FRMPD4: variants seen among roughly 807,000 people sequenced by gnomAD.
FRMPD4 encodes FERM and PDZ domain containing 4, also known as FERM and PDZ domain-containing protein 4.
FRMPD4 carries 22 observed loss-of-function variants against 94.1 expected under a neutral mutation model. That is an observed-to-expected ratio of 0.23 (90% CI 0.17 to 0.33). The LOEUF (loss-of-function observed/expected upper bound fraction) is 0.33, where lower values mean the gene tolerates loss of function less well. FRMPD4 is among the 10% of genes least tolerant of loss of function. The pLI is 1.00. For missense variants in FRMPD4, 1,111 were observed against 1,339.9 expected (o/e 0.83, Z 2.67); for synonymous variants, 631 against 548.6 (o/e 1.15, Z -2.10).
chrX:12,327,200 T>C (rs1460553998), intron 1 of FRMPD4, among the ~76,000 whole-genome samples: 1 of 112,438 alleles, frequency 8.9e-6, no homozygotes, highest in Non-Finnish European at 1.9e-5. Flanking sequence ...ATGTATTGTC[T>C]GTCTGGCATT....
chrX:12,511,864 C>CA (rs1273027337), intron 2 of FRMPD4, among the ~76,000 whole-genome samples: 15 of 112,429 alleles, frequency 1.3e-4, no homozygotes, highest in South Asian at 7.4e-4. Flanking sequence ...TGTCAAAAGT[C>CA]AAAGACAAAG....
intron 1 of FRMPD4, among the ~76,000 whole-genome samples, chrX:12,333,995 A>G (rs1325114161): frequency 1.8e-5 from 2 of 111,879 alleles, no homozygotes; most frequent in African/African-American, 6.5e-5. Context: ...TGTAAGGTGC[A>G]ATGAAAATCT....
At chrX:12,011,505 G>A (rs184171264) in intron 3 of FRMPD4, among the ~76,000 whole-genome samples, 1 of 112,099 alleles carries the variant, frequency 8.9e-6, no homozygotes, top group East Asian at 2.8e-4. Flanking sequence ...GCAGATAATA[G>A]AAGATTTTTC....
At chrX:11,899,377 T>G (rs2053921267) in intron 3 of FRMPD4, among the ~76,000 whole-genome samples, 1 of 82,870 alleles carries the variant, frequency 1.2e-5, no homozygotes, top group Non-Finnish European at 2.3e-5. Context: ...TCACGAGTGA[T>G]GTTGACTTTT....
chrX:12,634,824 C>CTTTTTTTTT (rs780126204), intron 4 of FRMPD4, among the ~76,000 whole-genome samples: 1 of 52,222 alleles, frequency 1.9e-5, no homozygotes, highest in South Asian at 1.0e-3. Flanking sequence ...GTCCATCTCT[C>CTTTTTTTTT]TTTTTTTTTT....
At chrX:11,871,757 C>T (rs1425153121) in intron 2 of FRMPD4, among the ~76,000 whole-genome samples, 1 of 111,510 alleles carries the variant, frequency 9.0e-6, no homozygotes, top group Non-Finnish European at 1.9e-5. Flanking sequence ...GCACAGTGTC[C>T]AGGGATGAAG....
rs1340532374 is a variant in FRMPD4 at position 12,191,895 on chromosome X, C to T, written c.41+52883C>T. On this transcript the variant is annotated intron_variant, in intron 1 of 16. Coordinates refer to ENST00000675598, the MANE Select transcript of FRMPD4 (RefSeq NM_001368397.1). ...CCCTTTGGGTGATAATGATGTGTCA[C>T]TGTAGGTATATTGATTGTAATAAAT... Among the ~76,000 whole-genome samples, 4 of 111,667 alleles carry T rather than the reference C, an allele frequency of 3.6e-5. No individual in the cohort carries two copies. The Admixed American group carries it at 3.8e-4, about 11-fold the overall frequency.
intron 3 of FRMPD4, among the ~76,000 whole-genome samples, chrX:12,030,108 G>A (rs1170781956): frequency 3.6e-5 from 4 of 111,952 alleles, no homozygotes; most frequent in Non-Finnish European, 7.5e-5. Flanking sequence ...TTGTGGTAAC[G>A]CTAAAAACCA....
chrX:12,165,866 T>G (rs1297688939), intron 1 of FRMPD4, among the ~76,000 whole-genome samples: 3 of 111,346 alleles, frequency 2.7e-5, no homozygotes, highest in Admixed American at 9.5e-5. Flanking sequence ...GTTATTGGTG[T>G]ATAAGAATGC....
rs187330895 is a variant in FRMPD4, at chrX:12,520,819, G to A, written c.158+22023G>A. Among the ~76,000 whole-genome samples the A allele has an allele frequency of 1.4e-3, 162 of 112,364 alleles. 1 individual carries two copies. Among genetic ancestry groups the A allele is most frequent in the African/African-American group, 4.9e-3 (153 of 30,915 alleles). ...ACTATGGGCAGGAGAGATGGGAGGT[G>A]TGGGTTGGCTTAAGCCAAGTAGGGC... On this transcript the variant is annotated intron_variant, in intron 2 of 16. Transcript: ENST00000675598.
chrX:11,916,422 CA>C lies in FRMPD4; in HGVS notation c.95+38405del, dbSNP rs774728434. On this transcript the variant is annotated intron_variant, in intron 3 of 18. Transcript: ENST00000640291. ...AAGATGGATTTAAGTGGGGGTCCAG[CA>C]GTCAATCAGAAAGGGAAAAAGGGGG... Among the ~76,000 whole-genome samples the C allele has an allele frequency of 1.2e-4, 13 of 110,730 alleles. No homozygotes were observed. In the South Asian group the frequency reaches 1.6e-3, roughly 13 times the overall value.
intron 2 of FRMPD4, among the ~76,000 whole-genome samples, chrX:12,607,629 A>G (rs2059143826): frequency 8.9e-6 from 1 of 112,234 alleles, no homozygotes; most frequent in African/African-American, 3.2e-5. Flanking sequence ...ACCTTGGCCA[A>G]GTTATTTTTC....
At chrX:12,714,998 G>A (rs1362418238) in intron 14 of FRMPD4, among the ~76,000 whole-genome samples, 6 of 112,213 alleles carry the variant, frequency 5.3e-5, no homozygotes, top group African/African-American at 9.7e-5. Flanking sequence ...AATCTCTTAG[G>A]TAAAACTGCA....
intron 2 of FRMPD4, among the ~76,000 whole-genome samples, chrX:12,507,176 A>G (rs1445044688): frequency 8.9e-6 from 1 of 112,583 alleles, no homozygotes; most frequent in African/African-American, 3.2e-5. Flanking sequence ...TGACTCCCTC[A>G]CAAAGCAATC....
intron 1 of FRMPD4, among the ~76,000 whole-genome samples, chrX:12,289,603 C>A (rs1449618101): frequency 9.0e-6 from 1 of 111,137 alleles, no homozygotes; most frequent in African/African-American, 3.3e-5. Context: ...ATGGAATGTT[C>A]AGGGTGTACA....
intron 1 of FRMPD4, among the ~76,000 whole-genome samples, chrX:12,286,239 T>C (rs2054597776): frequency 9.0e-6 from 1 of 110,983 alleles, no homozygotes; most frequent in African/African-American, 3.3e-5. Flanking sequence ...TTGAGATGAT[T>C]ATTTGCATTT....
chrX:12,028,177 CTT>C (rs1755687092), intron 3 of FRMPD4, among the ~76,000 whole-genome samples: 1 of 111,915 alleles, frequency 8.9e-6, no homozygotes, highest in African/African-American at 3.2e-5. Context: ...AGAATTGAGT[CTT>C]TTGCACTTAT....
intron 3 of FRMPD4, among the ~76,000 whole-genome samples, chrX:12,047,199 A>G (rs1475656994): frequency 9.1e-6 from 1 of 110,216 alleles, no homozygotes; most frequent in Non-Finnish European, 1.9e-5. Context: ...GGTTATATAT[A>G]TGGTTTATAT....
intron 1 of FRMPD4, among the ~76,000 whole-genome samples, chrX:12,199,336 G>A (rs937834920): frequency 1.8e-5 from 2 of 108,935 alleles, no homozygotes; most frequent in East Asian, 2.9e-4. Context: ...AGCAAGCAGT[G>A]AGCATTGAGC....
Sources: gnomAD v4.1 joint callset for allele counts (sites outside exome capture counted in the v4.1 genomes callset) on GRCh38, gnomAD v4.1.1 for gene constraint, MANE v1.5 for transcripts, NCBI Gene and HGNC (gene_info 2026-07-23, HGNC 2026-07-21) for gene names.